Variants in LUZP2 observed in about 807,000 individuals in gnomAD.
The protein encoded by LUZP2 is leucine zipper protein 2.
Under a neutral mutation model 51.6 loss-of-function variants are expected in LUZP2, and 52 were observed. That is an observed-to-expected ratio of 1.01 (90% confidence interval 0.81 to 1.27). The LOEUF is 1.27. LUZP2 is among the 50% of genes most tolerant of loss of function. LUZP2 has a pLI of 0.00. For missense variants in LUZP2, 436 were observed against 395.4 expected (o/e 1.10, Z -0.87); for synonymous variants, 154 against 137.3 (o/e 1.12, Z -0.85).
chr11:24,846,997 ACTCT>A (rs1162175188), intron 5 of LUZP2, among the ~76,000 whole-genome samples: 2 of 151,530 alleles, frequency 1.3e-5, no homozygotes, highest in African/African-American at 4.8e-5. Context: ...CGTGTACAAC[ACTCT>A]CTCCATATAT....
At chr11:24,738,696 A>G (rs1228711588) in intron 4 of LUZP2, among the ~76,000 whole-genome samples, 1 of 152,090 alleles carries the variant, frequency 6.6e-6, no homozygotes, top group Non-Finnish European at 1.5e-5. Context: ...GAGCAGGGCC[A>G]TGGAATCTAT....
intron 7 of LUZP2, among the ~76,000 whole-genome samples, chr11:24,922,105 T>C (rs111806794): frequency 8.5e-5 from 13 of 152,248 alleles, no homozygotes; most frequent in African/African-American, 3.1e-4. Context: ...ATTAAGTACA[T>C]TTGCAGGGTT....
chr11:24,632,764 T>C (rs187354830), intron 1 of LUZP2, among the ~76,000 whole-genome samples: 1 of 152,006 alleles, frequency 6.6e-6, no homozygotes, highest in Admixed American at 6.6e-5. Flanking sequence ...TTCCAACATA[T>C]AAGGAAATGC....
In LUZP2 at chr11:25,036,168, TAG is replaced by T. The variant is rs145690071; in HGVS notation, c.766-13867_766-13866del. 7.8e-3 allele frequency among the ~76,000 whole-genome samples: 1,189 copies of T among 152,244 alleles called. 32 individuals are homozygous for T. The East Asian group carries it at 0.099, about 13-fold the overall frequency. ...AGTTGATATTGGCTATTCATTTATT[TAG>T]AGTTTCAATATCTTTCTGATTAAAT... On this transcript the variant is annotated intron_variant, in intron 9 of 11. Transcript: ENST00000336930.
chr11:24,981,577 C>A (rs1856031451), intron 8 of LUZP2, among the ~76,000 whole-genome samples: 1 of 151,742 alleles, frequency 6.6e-6, no homozygotes, highest in South Asian at 2.1e-4. Context: ...AGGTCTAAGC[C>A]CAGCCTCTAT....
chr11:24,900,187 A>C (rs1378807250), intron 5 of LUZP2, among the ~76,000 whole-genome samples: 2 of 152,158 alleles, frequency 1.3e-5, no homozygotes, highest in African/African-American at 4.8e-5. Context: ...ATTCTAGTAG[A>C]TAATAATTGT....
At chr11:24,892,514 TA>T in intron 5 of LUZP2, 1 of 585,932 alleles carries the variant, frequency 1.7e-6, no homozygotes, top group Non-Finnish European at 2.2e-6. Flanking sequence ...AGCGTATATA[TA>T]ACTCTATTTG....
chr11:24,804,622 G>T (rs896194240), intron 5 of LUZP2, among the ~76,000 whole-genome samples: 5 of 152,116 alleles, frequency 3.3e-5, no homozygotes, highest in Non-Finnish European at 7.4e-5. Context: ...CTATCTTAGA[G>T]AATAAAGATG....
chr11:25,039,656 G>T (rs905058095), intron 9 of LUZP2, among the ~76,000 whole-genome samples: 5 of 152,160 alleles, frequency 3.3e-5, no homozygotes, highest in Non-Finnish European at 7.4e-5. Flanking sequence ...GTCCATGGGG[G>T]TATGGAGACT....
At chr11:25,063,200 G>A (rs1590889246) in intron 10 of LUZP2, among the ~76,000 whole-genome samples, 1 of 151,658 alleles carries the variant, frequency 6.6e-6, no homozygotes, top group Admixed American at 6.6e-5. Flanking sequence ...TATATTAGGT[G>A]CCATAATTAA....
intron 1 of LUZP2, among the ~76,000 whole-genome samples, chr11:24,515,188 A>AT (rs892269787): frequency 7.0e-4 from 107 of 152,168 alleles, no homozygotes; most frequent in Non-Finnish European, 3.2e-4. Context: ...TGTTATTTTT[A>AT]TTTTTTCCTG....
At chr11:24,944,802 G>A (rs1319190104) in intron 7 of LUZP2, among the ~76,000 whole-genome samples, 1 of 152,160 alleles carries the variant, frequency 6.6e-6, no homozygotes, top group Non-Finnish European at 1.5e-5. Flanking sequence ...GCTGAGACCT[G>A]TAGTCAGAGC....
intron 1 of LUZP2, among the ~76,000 whole-genome samples, chr11:24,603,674 A>G (rs146133689): frequency 4.8e-5 from 7 of 144,804 alleles, no homozygotes. Flanking sequence ...TGTCTACACT[A>G]CATTAGCCTA....
intron 9 of LUZP2, among the ~76,000 whole-genome samples, chr11:25,007,204 C>T (rs538250520): frequency 8.5e-5 from 13 of 152,264 alleles, no homozygotes; most frequent in South Asian, 6.2e-4. Context: ...AGTCCCCACC[C>T]GACCCAGAAG....
intron 9 of LUZP2, among the ~76,000 whole-genome samples, chr11:25,026,797 A>T (rs1857506396): frequency 6.6e-6 from 1 of 151,912 alleles, no homozygotes; most frequent in African/African-American, 2.4e-5. Flanking sequence ...CCTATCTCCG[A>T]GAAAAGAAGA....
At chr11:25,021,883 G>A (rs1276543412) in intron 9 of LUZP2, among the ~76,000 whole-genome samples, 1 of 152,034 alleles carries the variant, frequency 6.6e-6, no homozygotes, top group African/African-American at 2.4e-5. Context: ...TGACTCTGGG[G>A]TAGGACTAAA....
intron 5 of LUZP2, among the ~76,000 whole-genome samples, chr11:24,904,508 C>A (rs1482389854): frequency 3.3e-5 from 5 of 152,146 alleles, no homozygotes; most frequent in Admixed American, 6.5e-5. Context: ...TGGTCTTGAT[C>A]TCCTGACCTC....
chr11:24,598,907 T>G (rs1303197006), intron 1 of LUZP2, among the ~76,000 whole-genome samples: 2 of 152,152 alleles, frequency 1.3e-5, no homozygotes, highest in Non-Finnish European at 2.9e-5. Context: ...GAGGTTGGTG[T>G]AGTAATTATG....
At chr11:24,828,979 G>A (rs1850620020) in intron 5 of LUZP2, among the ~76,000 whole-genome samples, 1 of 152,164 alleles carries the variant, frequency 6.6e-6, no homozygotes, top group Admixed American at 6.6e-5. Context: ...GGAGGACAAG[G>A]ACGTTGATAT....
Sources: allele counts gnomAD v4.1 joint callset (sites outside exome capture counted in the v4.1 genomes callset), GRCh38; gene constraint gnomAD v4.1.1; transcripts MANE v1.5; gene names NCBI Gene and HGNC (gene_info 2026-07-23, HGNC 2026-07-21).